Variants in EFR3A observed in about 807,000 individuals in gnomAD.
EFR3A encodes the protein EFR3 homolog A, also known as protein EFR3 homolog A.
EFR3A carries 76 observed loss-of-function variants against 104.4 expected under a neutral mutation model. That is an observed-to-expected ratio of 0.73 (90% CI 0.60 to 0.88). EFR3A has a LOEUF of 0.88. EFR3A is among the 40% of genes least tolerant of loss of function. The pLI is 0.00. For synonymous variants in EFR3A, 330 were observed against 330.0 expected (o/e 1.00, Z 0.00); for missense variants, 985 against 1,012.5 (o/e 0.97, Z 0.37).
intron 8 of EFR3A, 74 bp downstream of exon 8, chr8:131,959,737 C>A: frequency 1.0e-6 from 1 of 989,154 alleles, no homozygotes; most frequent in Non-Finnish European, 1.5e-6. Context: ...CATTATCAAA[C>A]AGATGTGGGA....
intron 3 of EFR3A, among the ~76,000 whole-genome samples, chr8:131,945,623 A>G (rs759714198): frequency 9.9e-5 from 15 of 152,012 alleles, no homozygotes; most frequent in Non-Finnish European, 2.2e-4. Context: ...ACTGAATTTT[A>G]ATTTTGTTTT....
chr8:131,904,197 C>A lies in EFR3A; in HGVS notation c.-116C>A. On this transcript the variant is annotated 5_prime_UTR_variant, in exon 1 of 23. Transcript: ENST00000254624. ...TCCGCTCCCTCCACCCTTCGCCCTT[C>A]GCCCTTCGCCTCGTTCCGGCCTCCG... 8.6e-7 allele frequency: 1 copy of A among 1,165,740 alleles called. No individual in the cohort carries two copies. Among genetic ancestry groups the A allele is most frequent in the Non-Finnish European group, 1.1e-6 (1 of 922,496 alleles). The allele number at this position is 1,165,740 out of a possible 1,614,324, so 72.2% of individuals were successfully genotyped here.
At chr8:131,945,343 G>A (rs1446120124) in intron 3 of EFR3A, among the ~76,000 whole-genome samples, 1 of 151,930 alleles carries the variant, frequency 6.6e-6, no homozygotes, top group African/African-American at 2.4e-5. Flanking sequence ...CAAGCATGCT[G>A]ATTTGGAACT....
chr8:131,970,853 T>C (rs1820014495), intron 10 of EFR3A, among the ~76,000 whole-genome samples: 1 of 152,222 alleles, frequency 6.6e-6, no homozygotes, highest in South Asian at 2.1e-4. Flanking sequence ...ATTCATCTAT[T>C]GTTGACATTT....
At chr8:131,996,552 G>A in intron 19 of EFR3A, 55 bp downstream of exon 19, 1 of 1,223,392 alleles carries the variant, frequency 8.2e-7, no homozygotes, top group Non-Finnish European at 1.1e-6. Flanking sequence ...TCATTTAAAA[G>A]AATTTTTTGC....
intron 1 of EFR3A, chr8:131,938,451 A>AT: frequency 2.6e-6 from 1 of 383,112 alleles, no homozygotes; most frequent in Non-Finnish European, 4.6e-6. Flanking sequence ...CTTTGATATA[A>AT]TTTTATAAAA....
intron 1 of EFR3A, among the ~76,000 whole-genome samples, chr8:131,927,677 C>T (rs980751332): frequency 2.6e-5 from 4 of 151,934 alleles, no homozygotes; most frequent in African/African-American, 9.7e-5. Flanking sequence ...GGAACCATAA[C>T]GTGTGTGCCA....
chr8:131,964,460 C>A (rs957453215), intron 8 of EFR3A, among the ~76,000 whole-genome samples: 1 of 151,824 alleles, frequency 6.6e-6, no homozygotes, highest in African/African-American at 2.4e-5. Context: ...CATGAGTGAA[C>A]TCCCATTCAC....
At chr8:131,932,193 GGT>G (rs1393572929) in intron 1 of EFR3A, among the ~76,000 whole-genome samples, 1 of 151,720 alleles carries the variant, frequency 6.6e-6, no homozygotes, top group Non-Finnish European at 1.5e-5. Context: ...CCTAATTTGA[GGT>G]GTCTTTATTT....
intron 10 of EFR3A, 27 bp from the exon 11 acceptor site, chr8:131,976,000 C>T: frequency 7.1e-7 from 1 of 1,409,882 alleles, no homozygotes; most frequent in Admixed American, 2.1e-5. Context: ...TTTTCAGTTT[C>T]TAAAATTTGT....
At chr8:131,997,741 A>G (rs990947955) in intron 19 of EFR3A, among the ~76,000 whole-genome samples, 1 of 152,028 alleles carries the variant, frequency 6.6e-6, no homozygotes. Context: ...AAATTCATCC[A>G]GAGTCTTAGA....
intron 11 of EFR3A, among the ~76,000 whole-genome samples, chr8:131,976,380 G>T (rs1382463585): frequency 6.6e-6 from 1 of 151,988 alleles, no homozygotes; most frequent in Non-Finnish European, 1.5e-5. Context: ...AAATTGTTTG[G>T]CCTGGACATT....
intron 18 of EFR3A, among the ~76,000 whole-genome samples, chr8:131,988,181 T>G: frequency 1.3e-5 from 2 of 151,870 alleles, no homozygotes; most frequent in East Asian, 3.9e-4. Context: ...ATATTTTCTC[T>G]GTGAACTATA....
chr8:131,984,578 G>T (rs994326456), intron 15 of EFR3A, among the ~76,000 whole-genome samples: 2 of 152,084 alleles, frequency 1.3e-5, no homozygotes, highest in Non-Finnish European at 2.9e-5. Context: ...CACTGGGGGG[G>T]ATAGTCATTA....
At chr8:131,949,883 G>GTA (rs1347530558) in intron 4 of EFR3A, 86 bp from the exon 5 acceptor site, 1 of 1,176,290 alleles carries the variant, frequency 8.5e-7, no homozygotes, top group Non-Finnish European at 1.2e-6. Context: ...TATATTGCTT[G>GTA]TTAATATGAC....
At chr8:131,935,938 G>A (rs889282091) in intron 1 of EFR3A, among the ~76,000 whole-genome samples, 2 of 151,742 alleles carry the variant, frequency 1.3e-5, no homozygotes, top group African/African-American at 2.4e-5. Flanking sequence ...TCTCAAACCA[G>A]AAGTACTCAG....
chr8:131,923,695 G>GT (rs1160058607), intron 1 of EFR3A, among the ~76,000 whole-genome samples: 3 of 151,936 alleles, frequency 2.0e-5, no homozygotes, highest in African/African-American at 7.2e-5. Context: ...CAGAAGGAAC[G>GT]TATCAAAATA....
intron 4 of EFR3A, 88 bp downstream of exon 4, chr8:131,946,721 G>C: frequency 7.8e-7 from 1 of 1,281,434 alleles, no homozygotes; most frequent in Non-Finnish European, 1.0e-6. Flanking sequence ...CCTGGTAAAG[G>C]CAAATTCCCT....
intron 1 of EFR3A, among the ~76,000 whole-genome samples, chr8:131,918,070 C>T (rs1375550686): frequency 6.6e-6 from 1 of 152,150 alleles, no homozygotes; most frequent in East Asian, 1.9e-4. Context: ...GGGCAGATCA[C>T]GAGGTCAAGA....
Sources: allele counts gnomAD v4.1 joint callset (sites outside exome capture counted in the v4.1 genomes callset), GRCh38; gene constraint gnomAD v4.1.1; transcripts MANE v1.5; gene names NCBI Gene and HGNC (gene_info 2026-07-23, HGNC 2026-07-21).